Variants in ESRRG observed in about 807,000 individuals in gnomAD.
ESRRG encodes estrogen-related receptor gamma.
In ESRRG, 13 loss-of-function variants were observed where a neutral mutation model predicts 44.0. That is an observed-to-expected ratio of 0.30 (90% CI 0.19 to 0.47). The LOEUF is 0.47. ESRRG is among the 20% of genes least tolerant of loss of function. The probability of loss-of-function intolerance (pLI) is 1.00; values close to 1 mark genes in which losing one functional copy is unlikely to be tolerated. For synonymous variants in ESRRG, 215 were observed against 214.6 expected (o/e 1.00, Z -0.02); for missense variants, 395 against 580.6 (o/e 0.68, Z 3.29).
At chr1:217,097,890 G>A (rs947632247) in intron 1 of ESRRG, among the ~76,000 whole-genome samples, 2 of 149,472 alleles carry the variant, frequency 1.3e-5, no homozygotes, top group African/African-American at 4.9e-5. Flanking sequence ...TTATGACCAT[G>A]GTTCCTAAAC....
intron 1 of ESRRG, among the ~76,000 whole-genome samples, chr1:216,996,729 T>C (rs1214678961): frequency 6.6e-6 from 1 of 152,124 alleles, no homozygotes; most frequent in Non-Finnish European, 1.5e-5. Context: ...TATAGCAATA[T>C]GAAGAATAAT....
chr1:216,910,943 C>A (rs17633169), intron 2 of ESRRG, among the ~76,000 whole-genome samples: 2,419 of 152,242 alleles, frequency 0.016, 29 homozygotes, highest in Non-Finnish European at 0.023. Context: ...TCAACATAAA[C>A]GTTAGGTCCA....
intron 1 of ESRRG, among the ~76,000 whole-genome samples, chr1:217,013,299 C>T (rs1342081547): frequency 7.2e-5 from 11 of 152,154 alleles, no homozygotes; most frequent in African/African-American, 2.7e-4. Context: ...GTTCACTGAG[C>T]AAAGCAGATA....
intron 1 of ESRRG, among the ~76,000 whole-genome samples, chr1:216,717,607 A>C (rs377745524): frequency 4.0e-5 from 6 of 151,854 alleles, no homozygotes; most frequent in African/African-American, 1.2e-4. Flanking sequence ...TTTTAAAAAG[A>C]ACATGAATTA....
rs531713177 is a variant in ESRRG, at chr1:216,812,682, C to T, written c.-14+126900G>A. Among the ~76,000 whole-genome samples, 5 of 152,242 alleles carry T rather than the reference C, an allele frequency of 3.3e-5. No individual in the cohort carries two copies. In the South Asian group the frequency reaches 1.0e-3, roughly 32 times the overall value. ...AATTCAATTTCTATGATTTCCAGCT[C>T]TTGCTCATCTTTTTAATCCACCCTG... On this transcript the variant is annotated intron_variant, in intron 2 of 7. Coordinates refer to the ESRRG transcript ENST00000359162.
chr1:217,041,024 C>A (rs570869539), intron 1 of ESRRG, among the ~76,000 whole-genome samples: 1 of 152,296 alleles, frequency 6.6e-6, no homozygotes, highest in Admixed American at 6.5e-5. Flanking sequence ...ACATTGGGAA[C>A]CCTCAACAGC....
intron 5 of ESRRG, among the ~76,000 whole-genome samples, chr1:216,521,145 T>A (rs1572174978): frequency 6.6e-6 from 1 of 152,180 alleles, no homozygotes; most frequent in Non-Finnish European, 1.5e-5. Context: ...ACTGGCTGTG[T>A]AAGTCTTGTT....
At chr1:216,655,928 A>G (rs967848112) in intron 2 of ESRRG, among the ~76,000 whole-genome samples, 2 of 152,132 alleles carry the variant, frequency 1.3e-5, no homozygotes, top group Non-Finnish European at 2.9e-5. Flanking sequence ...CTATTCAATA[A>G]AGAAAGCATT....
rs77482214 is a variant in ESRRG at position 216,635,576 on chromosome 1, G to A, written c.589+15397C>T. ...GAGAAAAAGTTAGCAATGTCCGGAT[G>A]AGAAGTGATTCCATGGATTCAAGGT... On this transcript the variant is annotated intron_variant, in intron 3 of 6. Transcript: ENST00000408911. 7.1e-3 allele frequency among the ~76,000 whole-genome samples: 1,077 copies of A among 152,272 alleles called. 15 individuals are homozygous for A. The highest frequency in any genetic ancestry group is 0.025 in the African/African-American group (1,038 of 41,546).
intron 2 of ESRRG, among the ~76,000 whole-genome samples, chr1:216,748,970 T>C (rs770919905): frequency 2.0e-5 from 3 of 152,068 alleles, no homozygotes; most frequent in Admixed American, 1.3e-4. Flanking sequence ...ACGGTCGACG[T>C]AGAAAGACAA....
intron 2 of ESRRG, chr1:216,864,980 C>T (rs188205247): frequency 1.3e-5 from 2 of 152,022 alleles, no homozygotes; most frequent in African/African-American, 4.8e-5. Flanking sequence ...GCCTTCAGCA[C>T]AACAGGAATT....
intron 2 of ESRRG, among the ~76,000 whole-genome samples, chr1:216,913,719 A>G (rs1385353793): frequency 6.6e-6 from 1 of 152,228 alleles, no homozygotes; most frequent in Non-Finnish European, 1.5e-5. Context: ...GGTGGTTATG[A>G]ATATCAAATG....
At position 216,718,614 on chromosome 1, in the gene ESRRG, T is replaced by G. The variant is rs76477634; in HGVS notation, c.56+4630A>C. On this transcript the variant is annotated intron_variant, in intron 1 of 6. Transcript: ENST00000408911. ...CTCACTGTCAGAGAATGTAGAGAAC[T>G]GCAATTCATTCTATCTGTTGTGCTT... Among the ~76,000 whole-genome samples, 1,473 of 152,072 alleles carry G rather than the reference T, an allele frequency of 9.7e-3. 18 individuals carry two copies. Among genetic ancestry groups the G allele is most frequent in the African/African-American group, 0.034 (1,402 of 41,522 alleles).
rs530516913 is a variant in ESRRG at position 216,992,228 on chromosome 1, T to G, written c.-105-52555A>C. On this transcript the variant is annotated intron_variant, in intron 1 of 7. Coordinates refer to the ESRRG transcript ENST00000359162. Reference sequence around the variant, plus strand: ...CTCCCCTTCAGTGATATTTAACTACTTATGACATGAGATTTTGAAAGCTTT... The same window carrying G: ...CTCCCCTTCAGTGATATTTAACTACGTATGACATGAGATTTTGAAAGCTTT... 1.6e-4 allele frequency among the ~76,000 whole-genome samples: 25 copies of G among 152,340 alleles called. No homozygotes were observed. The East Asian group carries it at 3.7e-3, about 22-fold the overall frequency.
chr1:216,894,399 G>A (rs936305711), intron 2 of ESRRG, among the ~76,000 whole-genome samples: 3 of 152,060 alleles, frequency 2.0e-5, no homozygotes, highest in Non-Finnish European at 4.4e-5. Context: ...CAGAATCAAC[G>A]AGACAAACGC....
chr1:216,767,794 T>C (rs1002609148), intron 2 of ESRRG, among the ~76,000 whole-genome samples: 3 of 152,134 alleles, frequency 2.0e-5, no homozygotes, highest in African/African-American at 7.2e-5. Flanking sequence ...CAGGACGAGA[T>C]GTGGGGACAA....
At chr1:216,874,095 C>G (rs1408719640) in intron 2 of ESRRG, among the ~76,000 whole-genome samples, 1 of 151,826 alleles carries the variant, frequency 6.6e-6, no homozygotes, top group East Asian at 2.0e-4. Context: ...CTCTACCACT[C>G]CTTAAGCCAA....
At chr1:217,009,037 T>C (rs965295993) in intron 1 of ESRRG, among the ~76,000 whole-genome samples, 5 of 152,178 alleles carry the variant, frequency 3.3e-5, no homozygotes, top group African/African-American at 1.2e-4. Context: ...GTGAAAATAT[T>C]CTCATTCTTC....
At chr1:216,780,939 C>T (rs1488574014) in intron 2 of ESRRG, among the ~76,000 whole-genome samples, 4 of 152,046 alleles carry the variant, frequency 2.6e-5, no homozygotes, top group South Asian at 4.1e-4. Context: ...TTATCAACAA[C>T]ATATATGGAT....
Sources: allele counts gnomAD v4.1 joint callset (sites outside exome capture counted in the v4.1 genomes callset), GRCh38; gene constraint gnomAD v4.1.1; transcripts MANE v1.5; gene names NCBI Gene and HGNC (gene_info 2026-07-23, HGNC 2026-07-21).